The following PKHD1 variants were observed in gnomAD, a reference collection of about 807,000 sequenced individuals.
The protein encoded by PKHD1 is PKHD1 ciliary IPT domain containing fibrocystin/polyductin, also known as fibrocystin.
A neutral mutation model predicts 412.0 loss-of-function variants in PKHD1; 291 were observed. The observed-to-expected ratio is 0.71, with a 90% confidence interval of 0.64 to 0.78. The LOEUF is 0.78. Ranked by LOEUF, PKHD1 falls within the 30% of genes least tolerant of loss-of-function variation. PKHD1 has a pLI of 0.00. For missense variants in PKHD1, 4,825 were observed against 4,950.7 expected (o/e 0.97, Z 0.76); for synonymous variants, 1,777 against 1,821.5 (o/e 0.98, Z 0.62).
intron 8 of PKHD1, 68 bp downstream of exon 8, chr6:52,072,045 ATG>A (rs1810684558): frequency 8.1e-6 from 7 of 861,986 alleles, no homozygotes; most frequent in African/African-American, 1.6e-5. Flanking sequence ...AAGAGAGAGA[ATG>A]TGTGTGTGTT....
chr6:51,731,644 T>C (rs914528491), intron 60 of PKHD1, among the ~76,000 whole-genome samples: 3 of 152,198 alleles, frequency 2.0e-5, no homozygotes, highest in African/African-American at 4.8e-5. Flanking sequence ...CTACATCTGA[T>C]GACCACTGAC....
rs1363785325 is a variant in PKHD1, at chr6:51,912,525, A to C, written c.6173T>G (p.Leu2058Arg). ...VTCLRATAHA[L>R]DTVLALEDAV... ...ATCTTCTAAAGCCAGCACTGTGTCT[A>C]GGGCATGGGCAGTTGCTCTAAGACA... is the stretch of plus-strand genomic sequence containing the variant. Residue 2058 changes from leucine (L) to arginine (R), a missense_variant, in exon 38 of 67, where the codon CTA (leucine) becomes CGA (arginine). Coordinates refer to ENST00000371117, the MANE Select transcript of PKHD1 (RefSeq NM_138694.4). The C allele has an allele frequency of 6.2e-7, 1 of 1,613,330 alleles. No individual in the cohort carries two copies. The highest frequency in any genetic ancestry group is 8.5e-7 in the Non-Finnish European group (1 of 1,179,466).
At chr6:51,788,378 A>C (rs577045499) in intron 53 of PKHD1, among the ~76,000 whole-genome samples, 1 of 152,016 alleles carries the variant, frequency 6.6e-6, no homozygotes, top group Non-Finnish European at 1.5e-5. Context: ...CACCCTACCC[A>C]GTGCCCCAGG....
chr6:51,867,923 C>T lies in PKHD1; in HGVS notation c.7673G>A (p.Arg2558Gln), dbSNP rs369677008. 1.5e-5 allele frequency: 25 copies of T among 1,613,060 alleles called. No homozygotes were observed. Among genetic ancestry groups the T allele is most frequent in the African/African-American group, 2.7e-5 (2 of 75,004 alleles). ...TCCACAGGCACTGCCATGGACAACCCGACCAAAGCTTGAATTGACCAAACA... is the reference window on the plus strand; with the variant it reads ...TCCACAGGCACTGCCATGGACAACCTGACCAAAGCTTGAATTGACCAAACA... Reference protein sequence around the residue: ...ASCLVNSSFGRVVHGSACGGG... With the variant: ...ASCLVNSSFGQVVHGSACGGG... Residue 2558 changes from arginine (R) to glutamine (Q), a missense_variant, in exon 48 of 67, where the codon CGG (arginine) becomes CAG (glutamine). Transcript: ENST00000371117.
chr6:51,661,193 G>C (rs1395229526), intron 60 of PKHD1, among the ~76,000 whole-genome samples: 2 of 152,144 alleles, frequency 1.3e-5, no homozygotes, highest in Non-Finnish European at 2.9e-5. Context: ...GAGTCTCCTA[G>C]CACTACTGAT....
intron 35 of PKHD1, among the ~76,000 whole-genome samples, chr6:51,999,922 T>C (rs1236248061): frequency 6.6e-6 from 1 of 151,966 alleles, no homozygotes; most frequent in Non-Finnish European, 1.5e-5. Flanking sequence ...ACACCACATA[T>C]ACCACTGAAA....
At position 52,045,127 on chromosome 6, in the gene PKHD1, C is replaced by A. The variant is rs150987787; in HGVS notation, c.2593-39G>T. 646 of 1,605,938 alleles carry A rather than the reference C, an allele frequency of 4.0e-4. 3 individuals carry two copies. The African/African-American group carries it at 8.0e-3, about 20-fold the overall frequency. ...ATTTCTGGTAAATTCTGTCATGGAACCGAAATCTAATCTCGTCTAATCAAA... is the reference window on the plus strand; with the variant it reads ...ATTTCTGGTAAATTCTGTCATGGAAACGAAATCTAATCTCGTCTAATCAAA... On this transcript the variant is annotated intron_variant, in intron 24 of 66. Coordinates refer to ENST00000371117, the MANE Select transcript of PKHD1 (RefSeq NM_138694.4).
intron 53 of PKHD1, among the ~76,000 whole-genome samples, chr6:51,780,334 C>T (rs1002523976): frequency 6.6e-6 from 1 of 151,262 alleles, no homozygotes; most frequent in African/African-American, 2.4e-5. Context: ...TGCAGTGAGC[C>T]GAGATCGCAC....
intron 43 of PKHD1, among the ~76,000 whole-genome samples, chr6:51,903,170 G>C (rs918521001): frequency 1.3e-5 from 2 of 152,182 alleles, no homozygotes; most frequent in African/African-American, 4.8e-5. Flanking sequence ...GAAATCCTGA[G>C]AGGAATGCTT....
At chr6:51,664,149 C>T (rs538953428) in intron 60 of PKHD1, among the ~76,000 whole-genome samples, 2 of 152,066 alleles carry the variant, frequency 1.3e-5, no homozygotes, top group East Asian at 1.9e-4. Context: ...CCCATTATTA[C>T]TTATTTATTT....
chr6:51,977,343 T>A (rs1794595221), intron 35 of PKHD1, among the ~76,000 whole-genome samples: 1 of 152,218 alleles, frequency 6.6e-6, no homozygotes, highest in Admixed American at 6.5e-5. Flanking sequence ...GCTACTCCCC[T>A]ACTCCCAACC....
At chr6:52,082,629 T>C in intron 3 of PKHD1, 87 bp from the exon 4 acceptor site, 3 of 1,320,102 alleles carry the variant, frequency 2.3e-6, no homozygotes, top group African/African-American at 1.4e-5. Flanking sequence ...CTGGGGGTAA[T>C]GTAAGACATT....
intron 46 of PKHD1, among the ~76,000 whole-genome samples, chr6:51,873,581 T>C (rs550771079): frequency 6.6e-6 from 1 of 152,350 alleles, no homozygotes; most frequent in Admixed American, 6.5e-5. Context: ...CATTTCTCCA[T>C]AAATGTTATA....
intron 9 of PKHD1, 140 bp from the exon 10 acceptor site, chr6:52,070,585 C>A (rs574865496): frequency 6.3e-4 from 403 of 643,446 alleles, no homozygotes; most frequent in Non-Finnish European, 9.3e-4. Flanking sequence ...TTCCCCCCCG[C>A]AAAAACAAAC....
At chr6:51,790,043 A>C (rs7755343) in intron 53 of PKHD1, among the ~76,000 whole-genome samples, 88,707 of 151,514 alleles carry the variant, frequency 0.59, 26,672 homozygotes, top group East Asian at 0.83. Flanking sequence ...TTTCAGAAAT[A>C]TTTTTACAGT....
chr6:51,837,133 T>C (rs1399937371), intron 50 of PKHD1, among the ~76,000 whole-genome samples: 1 of 152,200 alleles, frequency 6.6e-6, no homozygotes, highest in Admixed American at 6.5e-5. Flanking sequence ...TATAATTAAA[T>C]AGTGAATGCA....
chr6:51,900,690 G>C (rs1261462555), intron 43 of PKHD1, among the ~76,000 whole-genome samples: 5 of 151,548 alleles, frequency 3.3e-5, no homozygotes, highest in African/African-American at 1.2e-4. Flanking sequence ...TTAAACTAAA[G>C]AGCTTCTGCA....
chr6:52,050,870 T>C (rs1034191170), intron 21 of PKHD1, among the ~76,000 whole-genome samples: 2 of 152,246 alleles, frequency 1.3e-5, no homozygotes, highest in Non-Finnish European at 2.9e-5. Context: ...CTCAGTTTTC[T>C]TATGTGTAAA....
Position 51,632,664 on chromosome 6 carries a change from TCTC to T in PKHD1, c.11563_11565del (p.Glu3855del). The T allele has an allele frequency of 6.2e-7, 1 of 1,613,410 alleles. No individual in the cohort carries two copies. Among genetic ancestry groups the T allele is most frequent in the Non-Finnish European group, 8.5e-7 (1 of 1,179,558 alleles). Reference sequence around the variant, plus strand: ...GAAGCAGCCAGGATGATGGTCGACTTCTCCTTCCTAGTCACAGGCAAGACAGCA... The same window carrying T: ...GAAGCAGCCAGGATGATGGTCGACTTCTTCCTAGTCACAGGCAAGACAGCA... On this transcript the variant is annotated inframe_deletion, in exon 65 of 67. Coordinates refer to ENST00000371117, the MANE Select transcript of PKHD1 (RefSeq NM_138694.4).
Sources: gnomAD v4.1 joint callset for allele counts (sites outside exome capture counted in the v4.1 genomes callset) on GRCh38, gnomAD v4.1.1 for gene constraint, MANE v1.5 for transcripts, NCBI Gene and HGNC (gene_info 2026-07-23, HGNC 2026-07-21) for gene names.